AFDN: variants seen among roughly 807,000 people sequenced by gnomAD.
The protein encoded by AFDN is afadin, adherens junction formation factor, also known as afadin.
Under a neutral mutation model 216.6 loss-of-function variants are expected in AFDN, and 68 were observed. The ratio of observed to expected loss-of-function variants is 0.31; its 90% confidence interval spans 0.26 to 0.38. The LOEUF (loss-of-function observed/expected upper bound fraction) is 0.38, where lower values mean the gene tolerates loss of function less well. Ranked by LOEUF, AFDN falls within the 10% of genes least tolerant of loss-of-function variation. The pLI is 1.00. For missense variants in AFDN, 2,136 were observed against 2,342.0 expected, an observed-to-expected ratio of 0.91 and a Z score of 1.82; for synonymous variants, 868 against 853.7, an observed-to-expected ratio of 1.02 and a Z score of -0.29.
At chr6:167,909,084 A>G (rs1437846471) in intron 13 of AFDN, among the ~76,000 whole-genome samples, 1 of 152,134 alleles carries the variant, frequency 6.6e-6, no homozygotes, top group Non-Finnish European at 1.5e-5. Context: ...ACTTTATGAG[A>G]TATATAACTG....
chr6:167,963,463 T>A, intron 31 of AFDN: 1 of 1,053,496 alleles, frequency 9.5e-7, no homozygotes, highest in African/African-American at 1.7e-5. Context: ...TCTAGTGAAC[T>A]ATATTAATAG....
At position 167,965,733 on chromosome 6, in the gene AFDN, A is replaced by T. The variant is rs376161196; in HGVS notation, c.4969-24A>T. 3.3e-6 allele frequency: 5 copies of T among 1,503,996 alleles called. No homozygotes were observed. The African/African-American group carries it at 6.9e-5, about 21-fold the overall frequency. The allele number at this position is 1,503,996 out of a possible 1,614,324, so 93.2% of individuals were successfully genotyped here. Reference sequence around the variant, plus strand: ...TTCCCTTCTCACCTCTGACCTTTGCACTCTTGTCTATTCCCGCCCGCAGAG... The same window carrying T: ...TTCCCTTCTCACCTCTGACCTTTGCTCTCTTGTCTATTCCCGCCCGCAGAG... On this transcript the variant is annotated intron_variant, in intron 31 of 33. Transcript: ENST00000683244.
chr6:167,846,066 C>G (rs574313909), intron 1 of AFDN, among the ~76,000 whole-genome samples: 1 of 152,016 alleles, frequency 6.6e-6, no homozygotes, highest in African/African-American at 2.4e-5. Context: ...ACTTCCCTCC[C>G]TTGACATAAG....
At chr6:167,864,070 G>GA (rs1233222366) in intron 1 of AFDN, among the ~76,000 whole-genome samples, 1 of 152,140 alleles carries the variant, frequency 6.6e-6, no homozygotes, top group Admixed American at 6.5e-5. Context: ...CTTGGAGCTG[G>GA]AAAGGGACCT....
chr6:167,947,728 T>G (rs1046037029), intron 27 of AFDN, 125 bp from the exon 28 acceptor site: 7 of 562,742 alleles, frequency 1.2e-5, no homozygotes, highest in African/African-American at 3.9e-5. Flanking sequence ...ATTTTTTTTT[T>G]TCATCTCTGT....
chr6:167,954,957 A>G (rs193087572), intron 30 of AFDN, among the ~76,000 whole-genome samples: 37 of 149,420 alleles, frequency 2.5e-4, no homozygotes, highest in Admixed American at 2.0e-3. Context: ...CATGTATTCT[A>G]TGTTTTCTTT....
At chr6:167,956,148 A>G (rs949791106) in intron 30 of AFDN, among the ~76,000 whole-genome samples, 1 of 148,960 alleles carries the variant, frequency 6.7e-6, no homozygotes, top group Non-Finnish European at 1.5e-5. Context: ...AAACTATAGA[A>G]TTCTTTTTAT....
rs3213591 is a variant in AFDN at position 167,915,438 on chromosome 6, T to A, written c.2565+5T>A. 6.2e-7 allele frequency: 1 copy of A among 1,603,316 alleles called. No homozygotes were observed. On this transcript the variant is annotated splice_donor_5th_base_variant and intron_variant, in intron 19 of 33. Transcript: ENST00000683244. ...CATCTGAGCAGGATCGTGCAGGTGATTGCTGGTGCCACTCCCCAGCTCATG... is the reference window on the plus strand; with the variant it reads ...CATCTGAGCAGGATCGTGCAGGTGAATGCTGGTGCCACTCCCCAGCTCATG...
At chr6:167,939,190 T>C (rs1418719243) in intron 23 of AFDN, among the ~76,000 whole-genome samples, 2 of 152,192 alleles carry the variant, frequency 1.3e-5, no homozygotes, top group East Asian at 1.9e-4. Flanking sequence ...TTGCTAAACA[T>C]TTTTCTTGTC....
intron 32 of AFDN, chr6:167,966,337 C>T: frequency 7.6e-7 from 1 of 1,317,978 alleles, no homozygotes; most frequent in Non-Finnish European, 9.9e-7. Flanking sequence ...CATCTCTCTG[C>T]ACACTTGCCC....
At chr6:167,883,044 A>ACCT (rs945181486) in intron 6 of AFDN, among the ~76,000 whole-genome samples, 9 of 151,946 alleles carry the variant, frequency 5.9e-5, no homozygotes, top group African/African-American at 1.9e-4. Context: ...GCAAAAATTT[A>ACCT]CCTCCCATGT....
intron 23 of AFDN, among the ~76,000 whole-genome samples, chr6:167,933,203 T>C (rs1301522512): frequency 6.6e-6 from 1 of 152,242 alleles, no homozygotes; most frequent in Non-Finnish European, 1.5e-5. Context: ...CTTTTAAAAG[T>C]ACTTAGGATA....
Position 167,870,515 on chromosome 6 carries a change from T to G in AFDN, c.414+17T>G, listed in dbSNP as rs767988848. ...CCTCCTAAGGTAGGAACCCTCAGTATTTTATGACGGTCTTGGTCCAGGGCC... is the reference window on the plus strand; with the variant it reads ...CCTCCTAAGGTAGGAACCCTCAGTAGTTTATGACGGTCTTGGTCCAGGGCC... On this transcript the variant is annotated intron_variant, in intron 3 of 33. Transcript: ENST00000683244. 9.8e-6 allele frequency: 15 copies of G among 1,523,726 alleles called. No homozygotes were observed. The highest frequency in any genetic ancestry group is 1.3e-5 in the Non-Finnish European group (14 of 1,105,578). 94.4% of individuals were successfully genotyped at this position (1,523,726 alleles called of 1,614,324 possible).
chr6:167,943,157 A>G lies in AFDN; in HGVS notation c.3128A>G (p.Tyr1043Cys). ...GCTGGTCAAGATAAACTAGGAATCT[A>G]TGTGAAGTCGGTTGTGAAAGGAGGT... is the stretch of plus-strand genomic sequence containing the variant. ...KGAGQDKLGI[Y>C]VKSVVKGGAA... Residue 1043 changes from tyrosine (Y) to cysteine (C), a missense_variant, in exon 24 of 34, where the codon TAT becomes TGT. Tyr to Cys is a radical substitution (Grantham distance 194). Transcript: ENST00000683244. 4 of 1,614,022 alleles carry G rather than the reference A, an allele frequency of 2.5e-6. No individual in the cohort carries two copies. The highest frequency in any genetic ancestry group is 1.6e-4 in the Middle Eastern group (1 of 6,062).
intron 32 of AFDN, among the ~76,000 whole-genome samples, chr6:167,967,125 C>T (rs772552744): frequency 6.6e-6 from 1 of 152,192 alleles, no homozygotes; most frequent in Non-Finnish European, 1.5e-5. Context: ...TCAGATTTCA[C>T]ACTAATCTTA....
At position 167,925,018 on chromosome 6, in the gene AFDN, G is replaced by C; in HGVS notation, c.3026G>C (p.Arg1009Thr). 6.2e-7 allele frequency: 1 copy of C among 1,612,672 alleles called. No homozygotes were observed. The highest frequency in any genetic ancestry group is 8.5e-7 in the Non-Finnish European group (1 of 1,178,716). ...TTCATCCTTTAGGCTCAGCCTCTGA[G>C]GAAAGAACCTGAAATAATCACTGTG... ...RENTELAQPL[R>T]KEPEIITVTL... Residue 1009 changes from arginine to threonine, a missense_variant, in exon 23 of 34, where the codon AGG becomes ACG. By Grantham distance (71) the Arg-to-Thr change is moderately conservative. Coordinates refer to ENST00000683244, the MANE Select transcript of AFDN (RefSeq NM_001386888.1).
chr6:167,842,470 A>G (rs1409718595), intron 1 of AFDN, among the ~76,000 whole-genome samples: 1 of 152,168 alleles, frequency 6.6e-6, no homozygotes, highest in Non-Finnish European at 1.5e-5. Context: ...ACTCTAGCTG[A>G]CATAATATAC....
chr6:167,869,014 G>T (rs544922755), intron 2 of AFDN, among the ~76,000 whole-genome samples: 1 of 151,384 alleles, frequency 6.6e-6, no homozygotes, highest in Non-Finnish European at 1.5e-5. Context: ...GAGCTCGATC[G>T]ATCTATCCAC....
intron 23 of AFDN, among the ~76,000 whole-genome samples, chr6:167,928,353 C>T (rs1792839174): frequency 1.3e-5 from 2 of 152,174 alleles, no homozygotes; most frequent in African/African-American, 4.8e-5. Context: ...TGACAGGGGG[C>T]AATTAGGACA....
Sources: gnomAD v4.1 joint callset for allele counts (sites outside exome capture counted in the v4.1 genomes callset) on GRCh38, gnomAD v4.1.1 for gene constraint, MANE v1.5 for transcripts, NCBI Gene and HGNC (gene_info 2026-07-23, HGNC 2026-07-21) for gene names.